The following RASGRP3 variants were observed in gnomAD, a reference collection of about 807,000 sequenced individuals.
RASGRP3 encodes the protein ras guanyl-releasing protein 3.
A neutral mutation model predicts 82.7 loss-of-function variants in RASGRP3; 54 were observed. The ratio of observed to expected loss-of-function variants is 0.65; its 90% CI spans 0.52 to 0.82. RASGRP3 has a LOEUF of 0.82. RASGRP3 is among the 40% of genes least tolerant of loss of function. The pLI, the probability that RASGRP3 is intolerant of heterozygous loss-of-function variation, is 0.00. For missense variants in RASGRP3, 861 were observed against 828.9 expected (o/e 1.04, Z -0.48); for synonymous variants, 309 against 300.5 (o/e 1.03, Z -0.29).
At chr2:33,495,218 C>A (rs1201790724) in intron 1 of RASGRP3, among the ~76,000 whole-genome samples, 1 of 152,174 alleles carries the variant, frequency 6.6e-6, no homozygotes, top group Non-Finnish European at 1.5e-5. Flanking sequence ...ACTTTTGGCA[C>A]AAGGGACAGA....
At chr2:33,514,361 T>C (rs1320405300) in intron 2 of RASGRP3, among the ~76,000 whole-genome samples, 1 of 151,942 alleles carries the variant, frequency 6.6e-6, no homozygotes, top group Non-Finnish European at 1.5e-5. Flanking sequence ...TTGAATATCT[T>C]ATCACTTAAG....
At chr2:33,486,128 ATTTCT>A (rs374794209) in intron 1 of RASGRP3, among the ~76,000 whole-genome samples, 9 of 150,762 alleles carry the variant, frequency 6.0e-5, no homozygotes, top group Non-Finnish European at 8.9e-5. Flanking sequence ...TTCACTTGGT[ATTTCT>A]TTTCTTTTCT....
intron 1 of RASGRP3, among the ~76,000 whole-genome samples, chr2:33,492,812 T>A (rs1305149482): frequency 6.6e-6 from 1 of 152,174 alleles, no homozygotes; most frequent in Non-Finnish European, 1.5e-5. Context: ...CCCTGGCCCG[T>A]AATGTAGCTG....
intron 1 of RASGRP3, among the ~76,000 whole-genome samples, chr2:33,507,537 T>C (rs1670502942): frequency 6.6e-6 from 1 of 152,122 alleles, no homozygotes; most frequent in South Asian, 2.1e-4. Context: ...AGAGAAATGA[T>C]TTTCTTGAGA....
intron 1 of RASGRP3, among the ~76,000 whole-genome samples, chr2:33,443,572 A>T (rs1665341109): frequency 6.6e-6 from 1 of 152,082 alleles, no homozygotes; most frequent in Non-Finnish European, 1.5e-5. Context: ...TACTGCTCTT[A>T]CTATTTATTA....
intron 2 of RASGRP3, among the ~76,000 whole-genome samples, chr2:33,460,238 G>A (rs1392426995): frequency 2.0e-5 from 3 of 152,078 alleles, no homozygotes; most frequent in Non-Finnish European, 4.4e-5. Flanking sequence ...ATTGACTTTG[G>A]AGCCAATATC....
chr2:33,561,072 T>C (rs963372596), intron 17 of RASGRP3, among the ~76,000 whole-genome samples: 1 of 152,062 alleles, frequency 6.6e-6, no homozygotes, highest in African/African-American at 2.4e-5. Context: ...TTCTTTCTTT[T>C]TTTTTTTTCT....
intron 12 of RASGRP3, among the ~76,000 whole-genome samples, chr2:33,541,718 A>G (rs1343290382): frequency 6.8e-6 from 1 of 147,228 alleles, no homozygotes; most frequent in East Asian, 1.9e-4. Context: ...TTGCTCTCAT[A>G]TATGCTGCAA....
intron 2 of RASGRP3, among the ~76,000 whole-genome samples, chr2:33,464,110 AATT>A (rs70938402): frequency 1.1e-3 from 161 of 144,238 alleles, no homozygotes; most frequent in South Asian, 4.3e-3. Context: ...TAATAATAAT[AATT>A]ATTATTATTA....
chr2:33,464,076 A>G (rs1360660814), intron 2 of RASGRP3, among the ~76,000 whole-genome samples: 1 of 147,758 alleles, frequency 6.8e-6, no homozygotes, highest in Admixed American at 6.8e-5. Context: ...TCATTTTAGT[A>G]ATTCTTGCAA....
intron 2 of RASGRP3, among the ~76,000 whole-genome samples, chr2:33,465,212 G>A (rs1666623956): frequency 6.6e-6 from 1 of 152,164 alleles, no homozygotes. Flanking sequence ...TATGAAGAAA[G>A]TTTTAGTGGT....
chr2:33,499,297 G>A (rs1308148009), intron 1 of RASGRP3, among the ~76,000 whole-genome samples: 1 of 152,200 alleles, frequency 6.6e-6, no homozygotes, highest in East Asian at 1.9e-4. Flanking sequence ...CAGGTGCGGT[G>A]GCTTAATCTC....
In RASGRP3 at chr2:33,534,534, T is replaced by C. The variant is rs7594196; in HGVS notation, c.1161+134T>C. 0.013 allele frequency: 9,047 copies of C among 701,520 alleles called. 586 individuals carry two copies. The African/African-American group carries it at 0.14, about 11-fold the overall frequency. The allele number at this position is 701,520 out of a possible 1,614,324, so 43.5% of individuals were successfully genotyped here. ...AAATTGACATTATTCTTTCTTTTTC[T>C]TTTTTCTTTTTTGAGGCGGAGTCTT... On this transcript the variant is annotated intron_variant, in intron 11 of 17. Transcript: ENST00000403687.
intron 1 of RASGRP3, among the ~76,000 whole-genome samples, chr2:33,501,957 C>A (rs1024522022): frequency 5.3e-5 from 8 of 152,142 alleles, no homozygotes; most frequent in Non-Finnish European, 2.9e-5. Flanking sequence ...GGTGTAATGA[C>A]TTTTGCCAGA....
At chr2:33,466,943 CA>C (rs1430867202) in intron 2 of RASGRP3, among the ~76,000 whole-genome samples, 1 of 152,046 alleles carries the variant, frequency 6.6e-6, no homozygotes, top group African/African-American at 2.4e-5. Flanking sequence ...TCGTTGTGGG[CA>C]GGCTAGTCAA....
chr2:33,508,150 AG>A (rs1334640895), intron 1 of RASGRP3, among the ~76,000 whole-genome samples: 1 of 152,132 alleles, frequency 6.6e-6, no homozygotes, highest in Non-Finnish European at 1.5e-5. Context: ...TTGAGAGTGG[AG>A]GGGAGGAGAA....
In RASGRP3 at chr2:33,451,853, T is replaced by C. The variant is rs1574231575; in HGVS notation, c.-261+3910T>C. On this transcript the variant is annotated intron_variant, in intron 2 of 18. Transcript: ENST00000402538. ...TGCTACTTTTGTGAATCCCCTAATG[T>C]ATATATTGGATTGCTTGATATTGTT... Among the ~76,000 whole-genome samples, 6 of 152,288 alleles carry C rather than the reference T, an allele frequency of 3.9e-5. No homozygotes were observed. In the East Asian group the frequency reaches 1.2e-3, roughly 29 times the overall value.
chr2:33,491,223 G>C (rs1324561416), intron 1 of RASGRP3, among the ~76,000 whole-genome samples: 1 of 152,118 alleles, frequency 6.6e-6, no homozygotes, highest in Non-Finnish European at 1.5e-5. Context: ...GGCTGAGGCA[G>C]GAGACTCACT....
rs533716286 is a variant in RASGRP3, at chr2:33,491,851, G to A, written c.-261+15144G>A. On this transcript the variant is annotated intron_variant, in intron 1 of 17. Transcript: ENST00000403687. ...GGTGGACAGCACAGCACAGCAGCCC[G>A]TGGCTGAGGCTTAGGCTAGGGCACA... is the stretch of plus-strand genomic sequence containing the variant. Among the ~76,000 whole-genome samples, 143 of 152,348 alleles carry A rather than the reference G, an allele frequency of 9.4e-4. 1 individual carries two copies. Among genetic ancestry groups the A allele is most frequent in the African/African-American group, 3.0e-3 (125 of 41,586 alleles).
Sources: gnomAD v4.1 joint callset for allele counts (sites outside exome capture counted in the v4.1 genomes callset) on GRCh38, gnomAD v4.1.1 for gene constraint, MANE v1.5 for transcripts, NCBI Gene and HGNC (gene_info 2026-07-23, HGNC 2026-07-21) for gene names.